Variants in DSCAM observed in about 807,000 individuals in gnomAD.
DSCAM encodes the protein DS cell adhesion molecule.
Under a neutral mutation model 217.7 loss-of-function variants are expected in DSCAM, and 47 were observed. The observed-to-expected ratio is 0.22, with a 90% CI of 0.17 to 0.28. DSCAM has a LOEUF of 0.28. DSCAM is among the 10% of genes least tolerant of loss of function. DSCAM has a pLI of 1.00. For missense variants in DSCAM, 2,080 were observed against 2,618.3 expected, an observed-to-expected ratio of 0.79 and a Z score of 4.49; for synonymous variants, 1,056 against 1,015.3, an observed-to-expected ratio of 1.04 and a Z score of -0.76.
At chr21:40,036,185 TAG>T in intron 32 of DSCAM, among the ~76,000 whole-genome samples, 1 of 144,504 alleles carries the variant, frequency 6.9e-6, no homozygotes, top group Admixed American at 6.8e-5. Context: ...CTGAAGGAAA[TAG>T]AGACACAAAA....
At chr21:40,385,196 T>A (rs1470608139) in intron 3 of DSCAM, 1 of 152,208 alleles carries the variant, frequency 6.6e-6, no homozygotes, top group Non-Finnish European at 1.5e-5. Context: ...CTATTTCTCA[T>A]GGAAAAACTC....
At chr21:40,621,486 C>T (rs2089516085) in intron 3 of DSCAM, 1 of 152,168 alleles carries the variant, frequency 6.6e-6, no homozygotes, top group African/African-American at 2.4e-5. Flanking sequence ...ATCACTGGTT[C>T]AAAGCTCCAG....
intron 14 of DSCAM, among the ~76,000 whole-genome samples, chr21:40,186,555 G>C (rs2090896793): frequency 6.6e-6 from 1 of 152,170 alleles, no homozygotes; most frequent in South Asian, 2.1e-4. Flanking sequence ...CTGGCAGCAG[G>C]GTCAGTTTTA....
intron 3 of DSCAM, among the ~76,000 whole-genome samples, chr21:40,674,707 A>T (rs1278824461): frequency 2.2e-5 from 3 of 137,140 alleles, no homozygotes; most frequent in Admixed American, 1.7e-4. Flanking sequence ...ATCTCGGCTC[A>T]CTGCAAGCTC....
intron 3 of DSCAM, among the ~76,000 whole-genome samples, chr21:40,553,586 AC>A (rs2076647224): frequency 6.6e-6 from 1 of 152,214 alleles, no homozygotes; most frequent in African/African-American, 2.4e-5. Context: ...TATATCATTA[AC>A]CAAATATACC....
intron 10 of DSCAM, among the ~76,000 whole-genome samples, chr21:40,290,452 C>G (rs2073877328): frequency 6.6e-6 from 1 of 152,062 alleles, no homozygotes; most frequent in Non-Finnish European, 1.5e-5. Flanking sequence ...GAAACCCCAT[C>G]TCTACCCAAA....
At chr21:40,817,023 T>C (rs1385316304) in intron 1 of DSCAM, among the ~76,000 whole-genome samples, 4 of 152,196 alleles carry the variant, frequency 2.6e-5, no homozygotes, top group African/African-American at 7.2e-5. Flanking sequence ...TAGGTAAGGA[T>C]TGAATTCTCA....
chr21:40,809,850 T>A (rs957871466), intron 1 of DSCAM, among the ~76,000 whole-genome samples: 2 of 152,194 alleles, frequency 1.3e-5, no homozygotes, highest in Admixed American at 6.5e-5. Flanking sequence ...TGCACGTGAC[T>A]CACTCACAAG....
At chr21:40,791,612 CACT>C (rs1349383329) in intron 1 of DSCAM, among the ~76,000 whole-genome samples, 1 of 152,094 alleles carries the variant, frequency 6.6e-6, no homozygotes, top group African/African-American at 2.4e-5. Context: ...GAGATTGCGC[CACT>C]GCACTCCAGC....
At chr21:40,675,686 C>G (rs2090329948) in intron 3 of DSCAM, among the ~76,000 whole-genome samples, 1 of 152,148 alleles carries the variant, frequency 6.6e-6, no homozygotes, top group Non-Finnish European at 1.5e-5. Flanking sequence ...ATAAATCTTG[C>G]CATAAAACTG....
At chr21:40,547,811 C>A (rs954794349) in intron 3 of DSCAM, among the ~76,000 whole-genome samples, 1 of 152,164 alleles carries the variant, frequency 6.6e-6, no homozygotes, top group Admixed American at 6.5e-5. Flanking sequence ...AAACTCAGAA[C>A]GTCTCTGCCA....
intron 3 of DSCAM, among the ~76,000 whole-genome samples, chr21:40,605,791 CTTTTTTTTTTTTTTT>C (rs755767800): frequency 0.018 from 1,094 of 62,056 alleles, 38 homozygotes; most frequent in African/African-American, 0.064. Flanking sequence ...AATGCACATT[CTTTTTTTTTTTTTTT>C]TTTTTTTTTT....
intron 21 of DSCAM, among the ~76,000 whole-genome samples, chr21:40,092,228 G>A (rs2089620219): frequency 6.6e-6 from 1 of 152,042 alleles, no homozygotes; most frequent in African/African-American, 2.4e-5. Context: ...TGTAAATGAG[G>A]AGAAATCCAG....
In DSCAM at chr21:40,689,710, A is replaced by G. The variant is rs549899218; in HGVS notation, c.508+3100T>C. On this transcript the variant is annotated intron_variant, in intron 3 of 32. Coordinates refer to ENST00000400454, the MANE Select transcript of DSCAM (RefSeq NM_001389.5). ...TCCCAGCAGGCTGGGATGACTTGAT[A>G]ATCCGGGAAGAGGGACCTGGGAGAT... is the stretch of plus-strand genomic sequence containing the variant. Among the ~76,000 whole-genome samples, 25 of 152,346 alleles carry G rather than the reference A, an allele frequency of 1.6e-4. No homozygotes were observed. In the South Asian group the frequency reaches 5.2e-3, roughly 32 times the overall value.
chr21:40,487,282 T>A (rs2076036934), intron 3 of DSCAM, among the ~76,000 whole-genome samples: 1 of 148,248 alleles, frequency 6.7e-6, no homozygotes, highest in Admixed American at 6.7e-5. Flanking sequence ...TCTGTGTGTG[T>A]GCATGTGTGC....
In DSCAM at chr21:40,369,143, G is replaced by A. The variant is rs746353430; in HGVS notation, c.611C>T (p.Thr204Ile). ...NYRCITRHRY[T>I]GETRQSNSAR... ...GCTGTTGCTCTGCCTCGTCTCTCCG[G>A]TGTATCGATGCCGCGTGATGCAGCG... is the stretch of plus-strand genomic sequence containing the variant. The change falls in exon 4 of 33, where the codon ACC becomes ATC. Residue 204 changes from threonine (T) to isoleucine (I), a missense_variant. Around this residue, in one of 5 missense-constraint regions of DSCAM, gnomAD observed 568 missense variants for 678.1 expected, o/e 0.84. Coordinates refer to ENST00000400454, the MANE Select transcript of DSCAM (RefSeq NM_001389.5). The A allele has an allele frequency of 2.5e-6, 4 of 1,612,874 alleles. No homozygotes were observed. In the African/African-American group the frequency reaches 4.0e-5, roughly 16 times the overall value.
intron 11 of DSCAM, among the ~76,000 whole-genome samples, chr21:40,212,056 G>A (rs907126865): frequency 9.9e-5 from 15 of 151,578 alleles, no homozygotes; most frequent in African/African-American, 3.6e-4. Context: ...TGCAGCTTCC[G>A]CCTCCCAGGT....
At chr21:40,386,333 G>A (rs1483753625) in intron 3 of DSCAM, among the ~76,000 whole-genome samples, 1 of 152,220 alleles carries the variant, frequency 6.6e-6, no homozygotes, top group East Asian at 1.9e-4. Context: ...TTCAGATTCC[G>A]AAGCTTTAGT....
intron 11 of DSCAM, among the ~76,000 whole-genome samples, chr21:40,246,078 G>A (rs2073219876): frequency 6.6e-6 from 1 of 151,822 alleles, no homozygotes; most frequent in African/African-American, 2.4e-5. Flanking sequence ...CTCATTCTAT[G>A]GCATCAAATG....
Sources: allele counts gnomAD v4.1 joint callset (sites outside exome capture counted in the v4.1 genomes callset), GRCh38; gene constraint gnomAD v4.1.1; regional missense constraint gnomAD v4.1.1; transcripts MANE v1.5; gene names NCBI Gene and HGNC (gene_info 2026-07-23, HGNC 2026-07-21).